GANC: variants seen among roughly 807,000 people sequenced by gnomAD.
GANC encodes the protein neutral alpha-glucosidase C.
GANC carries 117 observed loss-of-function variants against 124.2 expected under a neutral mutation model. The ratio of observed to expected loss-of-function variants is 0.94; its 90% confidence interval spans 0.81 to 1.10. The LOEUF (loss-of-function observed/expected upper bound fraction) is 1.10. Ranked by LOEUF, GANC falls within the 50% of genes least tolerant of loss-of-function variation. The probability of loss-of-function intolerance (pLI) is 0.00; values close to 1 mark genes in which losing one functional copy is unlikely to be tolerated. For synonymous variants in GANC, 377 were observed against 376.8 expected (o/e 1.00, Z -0.01); for missense variants, 1,140 against 1,095.0 (o/e 1.04, Z -0.58).
At chr15:42,308,890 G>C (rs1201059066) in intron 8 of GANC, among the ~76,000 whole-genome samples, 1 of 152,178 alleles carries the variant, frequency 6.6e-6, no homozygotes, top group Non-Finnish European at 1.5e-5. Flanking sequence ...GAGCTGCTGT[G>C]ATCAGAATAG....
In GANC at chr15:42,345,793, A is replaced by G. The variant is rs912487774; in HGVS notation, c.2265A>G (p.Glu755=). 9 of 1,612,560 alleles carry G rather than the reference A, an allele frequency of 5.6e-6. No individual in the cohort carries two copies. The highest frequency in any genetic ancestry group is 1.7e-5 in the Admixed American group (1 of 59,976). Residue 755 remains glutamate, a synonymous_variant, in exon 20 of 24, where the codon GAA becomes GAG. Transcript: ENST00000318010. Reference sequence around the variant, plus strand: ...ACTATAAGACATTTGCTCATTGGGAAGGAGGGTGTACTGTAAAGATCCCAG... The same window carrying G: ...ACTATAAGACATTTGCTCATTGGGAGGGAGGGTGTACTGTAAAGATCCCAG... ...WYDYKTFAHW[E]GGCTVKIPVA...
At chr15:42,305,167 A>G (rs533874142) in intron 6 of GANC, among the ~76,000 whole-genome samples, 1 of 152,348 alleles carries the variant, frequency 6.6e-6, no homozygotes, top group East Asian at 1.9e-4. Context: ...ATCAGAGTGA[A>G]CAAGCAACCT....
rs775973315 is a variant in GANC, at chr15:42,310,390, G to A, written c.830G>A (p.Gly277Asp). ...CCTTATCTCCTGGCCCACAAACTGG[G>A]CAGAACTATAGGTATTTTCTGGCTG... The part of the protein sequence containing the change: ...SVPYLLAHKL[G>D]RTIGIFWLNA... Residue 277 changes from glycine to aspartate, a missense_variant, in exon 9 of 24, where the codon GGC (glycine) becomes GAC (aspartate). Gly to Asp is a moderately conservative substitution (Grantham distance 94, BLOSUM62 -1). Transcript: ENST00000318010. 2 of 1,613,966 alleles carry A rather than the reference G, an allele frequency of 1.2e-6. No individual in the cohort carries two copies. Among genetic ancestry groups the A allele is most frequent in the Admixed American group, 1.7e-5 (1 of 60,010 alleles).
At chr15:42,324,288 T>C (rs2052182574) in intron 11 of GANC, among the ~76,000 whole-genome samples, 1 of 151,886 alleles carries the variant, frequency 6.6e-6, no homozygotes, top group Non-Finnish European at 1.5e-5. Flanking sequence ...ATAACAAGTG[T>C]TGGCAAGGAT....
intron 10 of GANC, chr15:42,314,944 A>T (rs1195362953): frequency 1.3e-5 from 2 of 152,236 alleles, no homozygotes; most frequent in Admixed American, 6.5e-5. Context: ...TTACAGCTAC[A>T]AATGCCACCA....
chr15:42,322,107 A>C, intron 11 of GANC, 87 bp downstream of exon 11: 1 of 1,024,196 alleles, frequency 9.8e-7, no homozygotes, highest in Non-Finnish European at 1.4e-6. Context: ...GTGGTGGAGA[A>C]ACATCTGATA....
At chr15:42,311,334 A>C (rs1181060734) in intron 10 of GANC, among the ~76,000 whole-genome samples, 1 of 152,216 alleles carries the variant, frequency 6.6e-6, no homozygotes, top group Non-Finnish European at 1.5e-5. Context: ...AAAAGATATC[A>C]AAATTGGAAA....
intron 11 of GANC, among the ~76,000 whole-genome samples, chr15:42,325,099 A>G (rs1228578092): frequency 2.0e-5 from 3 of 151,318 alleles, no homozygotes; most frequent in Non-Finnish European, 4.4e-5. Context: ...CCCTATCTCT[A>G]TTAAAAATAC....
At chr15:42,292,624 G>T in intron 4 of GANC, 111 bp from the exon 5 acceptor site, 1 of 1,058,068 alleles carries the variant, frequency 9.5e-7, no homozygotes, top group Non-Finnish European at 1.4e-6. Flanking sequence ...CCTTATCTAT[G>T]GCTATGTCAC....
chr15:42,332,175 A>G (rs1214836276), intron 15 of GANC, among the ~76,000 whole-genome samples: 1 of 152,188 alleles, frequency 6.6e-6, no homozygotes, highest in Non-Finnish European at 1.5e-5. Context: ...ATAAAAGATT[A>G]ATGGAAGATA....
rs148352102 is a variant in GANC, at chr15:42,276,784, A to G, written c.92+374A>G. ...TTGTCCCGAATAACCGAATTTCTTC[A>G]TTTCTTATTTATCCTTCCAGTATTT... On this transcript the variant is annotated intron_variant, in intron 2 of 23. Transcript: ENST00000318010. Among the ~76,000 whole-genome samples, 968 of 152,054 alleles carry G rather than the reference A, an allele frequency of 6.4e-3. 14 individuals carry two copies. The highest frequency in any genetic ancestry group is 0.022 in the African/African-American group (926 of 41,452).
intron 3 of GANC, chr15:42,284,027 C>G (rs2051761496): frequency 4.3e-6 from 3 of 701,860 alleles, no homozygotes; most frequent in Non-Finnish European, 7.8e-6. Context: ...TCCTCTGGAT[C>G]CCGGGAGGTC....
In GANC at chr15:42,330,681, T is replaced by G. The variant is rs1396929596; in HGVS notation, c.1741+9T>G. Reference sequence around the variant, plus strand: ...TGGATCACAAAAGTATGGTAAGGAATGGCTCATATCAGACTTAAAAACACA... The same window carrying G: ...TGGATCACAAAAGTATGGTAAGGAAGGGCTCATATCAGACTTAAAAACACA... On this transcript the variant is annotated intron_variant, in intron 15 of 23. Coordinates refer to ENST00000318010, the MANE Select transcript of GANC (RefSeq NM_198141.3). 1.0e-5 allele frequency: 16 copies of G among 1,591,914 alleles called. No individual in the cohort carries two copies. The Admixed American group carries it at 2.8e-4, about 28-fold the overall frequency.
At chr15:42,303,670 G>GAAAAAAA (rs150074091) in intron 6 of GANC, among the ~76,000 whole-genome samples, 1 of 128,576 alleles carries the variant, frequency 7.8e-6, no homozygotes, top group African/African-American at 2.9e-5. Flanking sequence ...TATTTACCAA[G>GAAAAAAA]AAAAAAAAAA....
intron 15 of GANC, among the ~76,000 whole-genome samples, chr15:42,332,408 G>A (rs1453517935): frequency 6.6e-6 from 1 of 152,218 alleles, no homozygotes; most frequent in African/African-American, 2.4e-5. Context: ...TTAGGTTATT[G>A]TTGATCTCTT....
At chr15:42,287,414 A>G (rs928585833) in intron 3 of GANC, among the ~76,000 whole-genome samples, 1 of 152,188 alleles carries the variant, frequency 6.6e-6, no homozygotes, top group Non-Finnish European at 1.5e-5. Context: ...CAGTGTAATT[A>G]TTAATAGAGA....
intron 10 of GANC, among the ~76,000 whole-genome samples, chr15:42,316,849 C>T (rs1047423197): frequency 6.6e-6 from 1 of 152,190 alleles, no homozygotes; most frequent in Non-Finnish European, 1.5e-5. Context: ...CTTATGCGGG[C>T]ATGACAGAGG....
intron 10 of GANC, among the ~76,000 whole-genome samples, chr15:42,321,005 C>T (rs1678999): frequency 0.91 from 138,443 of 152,168 alleles, 64,337 homozygotes; most frequent in Non-Finnish European, 1. Context: ...CTTTTTTCTT[C>T]TCTTTACTCA....
intron 11 of GANC, among the ~76,000 whole-genome samples, chr15:42,322,678 A>G (rs1678993): frequency 0.8 from 121,743 of 152,072 alleles, 51,269 homozygotes; most frequent in Middle Eastern, 0.94. Flanking sequence ...CAAATTCTTT[A>G]TTACACTGTT....
Sources: gnomAD v4.1 joint callset for allele counts (sites outside exome capture counted in the v4.1 genomes callset) on GRCh38, gnomAD v4.1.1 for gene constraint, MANE v1.5 for transcripts, NCBI Gene and HGNC (gene_info 2026-07-23, HGNC 2026-07-21) for gene names.